The following SPRED1 variants were observed in gnomAD, a reference collection of about 807,000 sequenced individuals.
SPRED1 encodes the protein sprouty related EVH1 domain containing 1, also known as sprouty-related, EVH1 domain-containing protein 1.
Under a neutral mutation model 52.3 loss-of-function variants are expected in SPRED1, and 18 were observed. The ratio of observed to expected loss-of-function variants is 0.34; its 90% CI spans 0.24 to 0.51. SPRED1 has a LOEUF of 0.51. SPRED1 is among the 20% of genes least tolerant of loss of function. SPRED1 has a pLI of 0.97. For synonymous variants in SPRED1, 155 were observed against 179.7 expected, an observed-to-expected ratio of 0.86 and a Z score of 1.10; for missense variants, 485 against 551.0, an observed-to-expected ratio of 0.88 and a Z score of 1.20.
rs190667070 is a variant in SPRED1 at position 38,348,238 on chromosome 15, T to C, written c.583-1184T>C. The stretch of plus-strand genomic sequence containing the variant: ...TTGACCAAATATCTAGCTTATTCTG[T>C]GTTTACTTCAAGTCGCATTTCCTTT... On this transcript the variant is annotated intron_variant, in intron 5 of 6. Coordinates refer to ENST00000299084, the MANE Select transcript of SPRED1 (RefSeq NM_152594.3). Among the ~76,000 whole-genome samples, 5 of 152,206 alleles carry C rather than the reference T, an allele frequency of 3.3e-5. No homozygotes were observed. The East Asian group carries it at 9.6e-4, about 29-fold the overall frequency.
chr15:38,303,471 G>A (rs537541080), intron 2 of SPRED1, among the ~76,000 whole-genome samples: 237 of 152,160 alleles, frequency 1.6e-3, no homozygotes, highest in Non-Finnish European at 3.0e-3. Context: ...CATTTGTATA[G>A]GTTATGTTAT....
At position 38,350,109 on chromosome 15, in the gene SPRED1, G is replaced by T. The variant is rs565534202; in HGVS notation, c.684+586G>T. ...CACATGTGTGTCTTTGTATTAATTT[G>T]CTAGGACTCCCACAACAAAATATTA... is the stretch of plus-strand genomic sequence containing the variant. On this transcript the variant is annotated intron_variant, in intron 6 of 6. Transcript: ENST00000299084. 3.9e-5 allele frequency among the ~76,000 whole-genome samples: 6 copies of T among 152,236 alleles called. No homozygotes were observed. The South Asian group carries it at 1.2e-3, about 32-fold the overall frequency.
At chr15:38,329,675 G>T (rs761454444) in intron 4 of SPRED1, among the ~76,000 whole-genome samples, 1 of 152,100 alleles carries the variant, frequency 6.6e-6, no homozygotes, top group Non-Finnish European at 1.5e-5. Flanking sequence ...AGACTAATAT[G>T]TGCATATTTC....
At chr15:38,342,238 G>T (rs1397610844) in intron 5 of SPRED1, among the ~76,000 whole-genome samples, 2 of 151,488 alleles carry the variant, frequency 1.3e-5, no homozygotes, top group African/African-American at 2.4e-5. Context: ...TAATACAGCT[G>T]TTAAGTATTT....
intron 1 of SPRED1, among the ~76,000 whole-genome samples, chr15:38,293,452 G>A (rs1401677782): frequency 6.6e-6 from 1 of 152,074 alleles, no homozygotes; most frequent in African/African-American, 2.4e-5. Flanking sequence ...GATCTGACTT[G>A]TTATTAAACA....
chr15:38,272,401 T>A (rs1199109086), intron 1 of SPRED1, among the ~76,000 whole-genome samples: 6 of 151,762 alleles, frequency 4.0e-5, no homozygotes, highest in Non-Finnish European at 1.5e-5. Flanking sequence ...CCCAAGTAGT[T>A]GGGATTACAG....
At chr15:38,277,379 A>C (rs1175405346) in intron 1 of SPRED1, among the ~76,000 whole-genome samples, 2 of 152,066 alleles carry the variant, frequency 1.3e-5, no homozygotes, top group Admixed American at 1.3e-4. Context: ...TTGGTTTTCT[A>C]TTCATTCATT....
chr15:38,328,839 C>T (rs1895758772), intron 4 of SPRED1, among the ~76,000 whole-genome samples: 1 of 151,954 alleles, frequency 6.6e-6, no homozygotes, highest in Non-Finnish European at 1.5e-5. Context: ...CCCGCATCAG[C>T]CTCCCGAGTA....
chr15:38,332,494 G>A (rs1475046262), intron 4 of SPRED1, among the ~76,000 whole-genome samples: 1 of 152,072 alleles, frequency 6.6e-6, no homozygotes, highest in Non-Finnish European at 1.5e-5. Flanking sequence ...GATCATTTGA[G>A]CCTAGAAGGT....
In SPRED1 at chr15:38,353,084, A is replaced by G. The variant is rs1888529791; in HGVS notation, c.*1420A>G. 1 of 152,442 alleles carries G rather than the reference A, an allele frequency of 6.6e-6. No homozygotes were observed. The highest frequency in any genetic ancestry group is 6.6e-5 in the Admixed American group (1 of 15,262). The allele number at this position is 152,442 out of a possible 1,614,324, so 9.4% of individuals were successfully genotyped here. On this transcript the variant is annotated 3_prime_UTR_variant, in exon 7 of 7. Transcript: ENST00000299084. ...TAAGTGTTACATTAAAACTCTAACC[A>G]AGGAAAGGGTTCTTTAAGAACATTC...
At chr15:38,288,468 A>G (rs1178318848) in intron 1 of SPRED1, among the ~76,000 whole-genome samples, 1 of 152,158 alleles carries the variant, frequency 6.6e-6, no homozygotes, top group Non-Finnish European at 1.5e-5. Flanking sequence ...AGGAAGATAA[A>G]ACCAGAAAAA....
chr15:38,324,425 C>G (rs1273978503), intron 3 of SPRED1, among the ~76,000 whole-genome samples: 1 of 152,110 alleles, frequency 6.6e-6, no homozygotes, highest in Non-Finnish European at 1.5e-5. Context: ...TAAATCACAT[C>G]TTAGCATCAC....
rs1022544318 is a variant in SPRED1 at position 38,324,130 on chromosome 15, C to G, written c.377-633C>G. Among the ~76,000 whole-genome samples, 5 of 152,164 alleles carry G rather than the reference C, an allele frequency of 3.3e-5. No homozygotes were observed. In the South Asian group the frequency reaches 1.0e-3, roughly 32 times the overall value. Reference sequence around the variant, plus strand: ...CCAAAGGGCGCATTTCTTCTTATCTCATGCCTACTCCGTGCTAAGCTGTGC... The same window carrying G: ...CCAAAGGGCGCATTTCTTCTTATCTGATGCCTACTCCGTGCTAAGCTGTGC... On this transcript the variant is annotated intron_variant, in intron 3 of 6. Coordinates refer to ENST00000299084, the MANE Select transcript of SPRED1 (RefSeq NM_152594.3).
intron 4 of SPRED1, among the ~76,000 whole-genome samples, chr15:38,325,081 A>C (rs8036371): frequency 5.9e-5 from 9 of 151,882 alleles, no homozygotes; most frequent in African/African-American, 2.2e-4. Flanking sequence ...GAAGCAACCC[A>C]CCCACCTCCC....
chr15:38,350,917 A>T, intron 6 of SPRED1, 97 bp from the exon 7 acceptor site: 4 of 1,210,626 alleles, frequency 3.3e-6, no homozygotes, highest in Non-Finnish European at 4.7e-6. Flanking sequence ...GTCCAGAATA[A>T]TATTTCAACA....
At chr15:38,306,357 G>A (rs561937239) in intron 2 of SPRED1, among the ~76,000 whole-genome samples, 3 of 152,210 alleles carry the variant, frequency 2.0e-5, no homozygotes, top group African/African-American at 7.2e-5. Flanking sequence ...TGTTGCTAAT[G>A]CTCAGAAAAC....
In SPRED1 at chr15:38,354,038, A is replaced by G. The variant is rs1443278281; in HGVS notation, c.*2374A>G. ...TTTTAAACAAGTTTCTTCATTAAAA[A>G]CTATGGTGATGAAATGGTTTTTATT... On this transcript the variant is annotated 3_prime_UTR_variant, in exon 7 of 7. Transcript: ENST00000299084. 6.6e-6 allele frequency: 1 copy of G among 152,618 alleles called. No homozygotes were observed. Among genetic ancestry groups the G allele is most frequent in the African/African-American group, 2.4e-5 (1 of 41,450 alleles). 9.5% of individuals were successfully genotyped at this position (152,618 alleles called of 1,614,324 possible). A position where few individuals can be genotyped will look rare whatever the true frequency, so the allele number is the denominator to read the frequency against.
chr15:38,321,115 C>G (rs1895593662), intron 2 of SPRED1, among the ~76,000 whole-genome samples: 1 of 152,126 alleles, frequency 6.6e-6, no homozygotes, highest in African/African-American at 2.4e-5. Context: ...AGGAAATATA[C>G]TCAAGTGTGT....
At chr15:38,286,200 T>C (rs1368263715) in intron 1 of SPRED1, among the ~76,000 whole-genome samples, 2 of 126,180 alleles carry the variant, frequency 1.6e-5, no homozygotes, top group African/African-American at 3.0e-5. Flanking sequence ...TAGTGAGCTA[T>C]GATCATGCCA....
Sources: allele counts gnomAD v4.1 joint callset (sites outside exome capture counted in the v4.1 genomes callset), GRCh38; gene constraint gnomAD v4.1.1; transcripts MANE v1.5; gene names NCBI Gene and HGNC (gene_info 2026-07-23, HGNC 2026-07-21).